Variants in PNISR observed in about 807,000 individuals in gnomAD.
The protein encoded by PNISR is arginine/serine-rich protein PNISR.
PNISR carries 20 observed loss-of-function variants against 93.4 expected under a neutral mutation model. That is an observed-to-expected ratio of 0.21 (90% CI 0.15 to 0.31). The LOEUF (loss-of-function observed/expected upper bound fraction) is 0.31, where lower values mean the gene tolerates loss of function less well. Among genes scored for constraint, PNISR ranks in the 10% least tolerant of loss-of-function variants. PNISR has a pLI of 1.00. For synonymous variants in PNISR, 305 were observed against 306.5 expected (o/e 0.99, Z 0.05); for missense variants, 893 against 985.4 (o/e 0.91, Z 1.25).
At chr6:99,414,134 T>C (rs1777348396) in intron 3 of PNISR, among the ~76,000 whole-genome samples, 1 of 152,148 alleles carries the variant, frequency 6.6e-6, no homozygotes, top group African/African-American at 2.4e-5. Flanking sequence ...TAAAGCTAAA[T>C]AATAAACAAG....
In PNISR at chr6:99,409,299, A is replaced by G. The variant is rs1284218499; in HGVS notation, c.547T>C (p.Tyr183His). ...GGTCCTGGAGGTCCTGGTTGCCAAT[A>G]AGGAGGATGAAATCCACCTTGCGGT... ...GPPQGGFHPP[Y>H]WQPGPPGPPA... The change falls in exon 6 of 12, where the codon TAT (tyrosine) becomes CAT (histidine). Residue 183 changes from tyrosine to histidine, a missense_variant. Around this residue, in one of 3 missense-constraint regions of PNISR, gnomAD observed 866 missense variants for 935.1 expected, o/e 0.93. Transcript: ENST00000369239. The G allele has an allele frequency of 6.2e-7, 1 of 1,613,802 alleles. No individual in the cohort carries two copies. The highest frequency in any genetic ancestry group is 1.3e-5 in the African/African-American group (1 of 74,928).
intron 8 of PNISR, among the ~76,000 whole-genome samples, chr6:99,405,617 C>T (rs572581338): frequency 2.4e-4 from 37 of 152,104 alleles, no homozygotes; most frequent in African/African-American, 7.5e-4. Context: ...CAGGATGGAA[C>T]GCAGTGGCAC....
chr6:99,404,076 A>G lies in PNISR; in HGVS notation c.1103-194T>C, dbSNP rs1430626258. The G allele has an allele frequency of 7.4e-6, 4 of 539,988 alleles. No homozygotes were observed. In the African/African-American group the frequency reaches 7.7e-5, roughly 10 times the overall value. The allele number at this position is 539,988 out of a possible 1,614,324, so 33.4% of individuals were successfully genotyped here. A position where few individuals can be genotyped will look rare whatever the true frequency, so the allele number is the denominator to read the frequency against. Reference sequence around the variant, plus strand: ...AATTATAACTCTGATGTGAGCTGAAATTGGTTTATAATGAGAAAAAATGTT... The same window carrying G: ...AATTATAACTCTGATGTGAGCTGAAGTTGGTTTATAATGAGAAAAAATGTT... On this transcript the variant is annotated intron_variant, in intron 9 of 11. Coordinates refer to ENST00000369239, the MANE Select transcript of PNISR (RefSeq NM_032870.4).
chr6:99,409,953 G>C (rs897361861), intron 5 of PNISR: 1 of 152,400 alleles, frequency 6.6e-6, no homozygotes, highest in Non-Finnish European at 1.5e-5. Context: ...AAAAACTGTT[G>C]TATCTGTATA....
In PNISR at chr6:99,410,846, C is replaced by T. The variant is rs761624181; in HGVS notation, c.396G>A (p.Gly132=). Residue 132 remains glycine (G), a synonymous_variant, in exon 5 of 12, where the codon GGG becomes GGA. Transcript: ENST00000369239. ...TATGCCTGTTGTCAGGGGCAAATTC[C>T]CCACTGTCCTGACTGTTGCTGTCTT... The part of the protein sequence containing the change: ...PSEDSNSQDS[G]EFAPDNRHIF... The T allele has an allele frequency of 6.2e-7, 1 of 1,614,034 alleles. No individual in the cohort carries two copies. The highest frequency in any genetic ancestry group is 2.2e-5 in the East Asian group (1 of 44,884).
intron 1 of PNISR, among the ~76,000 whole-genome samples, chr6:99,419,447 T>C (rs970264568): frequency 2.0e-5 from 3 of 152,290 alleles, no homozygotes; most frequent in South Asian, 2.1e-4. Flanking sequence ...CATACTGGCA[T>C]GTATTACCGT....
At position 99,400,964 on chromosome 6, in the gene PNISR, C is replaced by T. The variant is rs1159613952; in HGVS notation, c.1994G>A (p.Arg665Lys). The T allele has an allele frequency of 6.2e-7, 1 of 1,604,440 alleles. No homozygotes were observed. Among genetic ancestry groups the T allele is most frequent in the Admixed American group, 1.7e-5 (1 of 59,680 alleles). The change falls in exon 12 of 12, where the codon AGG becomes AAG. Residue 665 changes from arginine (R) to lysine (K), a missense_variant. Physicochemically the swap from Arg to Lys is conservative, Grantham distance 26. This residue lies in a region of PNISR where 866 missense variants were observed against 935.1 expected (regional missense o/e 0.93). Transcript: ENST00000369239. ...KHKGEAKEQERKKERSRSIDK... is the reference protein window; with the variant it reads ...KHKGEAKEQEKKKERSRSIDK... Reference sequence around the variant, plus strand: ...TATACTTCGACTCCTCTCCTTTTTCCTCTCTTGTTCTTTAGCCTCACCTTT... The same window carrying T: ...TATACTTCGACTCCTCTCCTTTTTCTTCTCTTGTTCTTTAGCCTCACCTTT...
chr6:99,400,676 C>T lies in PNISR; in HGVS notation c.2282G>A (p.Ser761Asn). ...TTTGCTACTTCCTGGAGACTCAGAA[C>T]TGCTCCTTCCACTAGAATCAGAGCC... The part of the protein sequence containing the change: ...HSGSDSSGRS[S>N]SESPGSSKEK... The change falls in exon 12 of 12, where the codon AGT becomes AAT. Residue 761 changes from serine (S) to asparagine (N), a missense_variant. Physicochemically the swap from Ser to Asn is conservative, Grantham distance 46. Transcript: ENST00000369239. The T allele has an allele frequency of 6.2e-7, 1 of 1,613,952 alleles. No homozygotes were observed. Among genetic ancestry groups the T allele is most frequent in the Non-Finnish European group, 8.5e-7 (1 of 1,179,966 alleles).
chr6:99,405,848 A>G (rs1776096697), intron 8 of PNISR, among the ~76,000 whole-genome samples, 183 bp downstream of exon 8: 1 of 152,156 alleles, frequency 6.6e-6, no homozygotes, highest in Non-Finnish European at 1.5e-5. Flanking sequence ...CCTGAAATCA[A>G]AACATTTAAA....
Position 99,416,429 on chromosome 6 carries a change from C to T in PNISR, c.-111-1G>A, listed in dbSNP as rs1777704119. ...GCATAGCAGCAAGATTATGTATGCC[C>T]TAGGGGGAAAAAAAGTAGATGTCTG... On this transcript the variant is annotated splice_acceptor_variant, in intron 1 of 11. Coordinates refer to ENST00000369239, the MANE Select transcript of PNISR (RefSeq NM_032870.4). LOFTEE classifies it low-confidence loss of function (5UTR_SPLICE). 3 of 1,168,934 alleles carry T rather than the reference C, an allele frequency of 2.6e-6. No individual in the cohort carries two copies. The highest frequency in any genetic ancestry group is 3.2e-5 in the African/African-American group (2 of 63,092). 72.4% of individuals were successfully genotyped at this position (1,168,934 alleles called of 1,614,324 possible). A position where few individuals can be genotyped will look rare whatever the true frequency, so the allele number is the denominator to read the frequency against.
chr6:99,415,458 T>C (rs988171363), intron 2 of PNISR: 1 of 152,196 alleles, frequency 6.6e-6, no homozygotes, highest in Non-Finnish European at 1.5e-5. Context: ...AGGTACTTTA[T>C]GTTAATAACT....
rs1442763043 is a variant in PNISR at position 99,398,112 on chromosome 6, T to A, written c.*2428A>T. On this transcript the variant is annotated 3_prime_UTR_variant, in exon 12 of 12. Transcript: ENST00000369239. ...TGAAACAAATCTTATAATCACCTCT[T>A]TCAAATTACATTTTATTCCCTTAAT... 6.6e-6 allele frequency: 1 copy of A among 152,178 alleles called. No individual in the cohort carries two copies. Among genetic ancestry groups the A allele is most frequent in the Non-Finnish European group, 1.5e-5 (1 of 68,004 alleles). The allele number at this position is 152,178 out of a possible 1,614,324, so 9.4% of individuals were successfully genotyped here. A position where few individuals can be genotyped will look rare whatever the true frequency, so the allele number is the denominator to read the frequency against.
intron 1 of PNISR, among the ~76,000 whole-genome samples, chr6:99,418,811 G>T (rs569007612): frequency 6.6e-6 from 1 of 152,244 alleles, no homozygotes; most frequent in South Asian, 2.1e-4. Flanking sequence ...GATGACTACT[G>T]GATGAGGGCA....
intron 3 of PNISR, among the ~76,000 whole-genome samples, chr6:99,413,096 A>C (rs1257108128): frequency 1.3e-3 from 1 of 794 alleles, no homozygotes; most frequent in Non-Finnish European, 0.025. Context: ...CACCTTTACA[A>C]AAAAAAAATC....
At chr6:99,402,394 A>G in intron 11 of PNISR, 146 bp downstream of exon 11, 2 of 586,826 alleles carry the variant, frequency 3.4e-6, no homozygotes, top group South Asian at 1.1e-4. Flanking sequence ...AAAACAACCA[A>G]ACAAAAATTG....
chr6:99,398,612 C>A lies in PNISR; in HGVS notation c.*1928G>T, dbSNP rs1775123747. ...AAACTGTCAAATACTACTTTTGGCTCTAGTTCATAACTTGCCCAAAAATGT... is the reference window on the plus strand; with the variant it reads ...AAACTGTCAAATACTACTTTTGGCTATAGTTCATAACTTGCCCAAAAATGT... On this transcript the variant is annotated 3_prime_UTR_variant, in exon 12 of 12. Transcript: ENST00000369239. The A allele has an allele frequency of 6.6e-6, 1 of 152,056 alleles. No individual in the cohort carries two copies. Among genetic ancestry groups the A allele is most frequent in the South Asian group, 2.1e-4 (1 of 4,836 alleles). The allele number at this position is 152,056 out of a possible 1,614,324, so 9.4% of individuals were successfully genotyped here.
At chr6:99,417,240 T>C (rs1369879508) in intron 1 of PNISR, among the ~76,000 whole-genome samples, 1 of 152,254 alleles carries the variant, frequency 6.6e-6, no homozygotes, top group Non-Finnish European at 1.5e-5. Flanking sequence ...AAATGATGTA[T>C]AATGACTACC....
At position 99,400,124 on chromosome 6, in the gene PNISR, G is replaced by C. The variant is rs1356569789; in HGVS notation, c.*416C>G. 1.9e-5 allele frequency: 3 copies of C among 157,102 alleles called. No individual in the cohort carries two copies. The highest frequency in any genetic ancestry group is 7.3e-5 in the African/African-American group (3 of 41,204). 9.7% of individuals were successfully genotyped at this position (157,102 alleles called of 1,614,324 possible). On this transcript the variant is annotated 3_prime_UTR_variant, in exon 12 of 12. Transcript: ENST00000369239. ...CAAAGAAATCCTATTAAGTAACTTG[G>C]AGCAGCATTGGAAAAAGTACACCTA... is the stretch of plus-strand genomic sequence containing the variant.
chr6:99,420,828 A>G (rs913126169), intron 1 of PNISR, among the ~76,000 whole-genome samples: 6 of 152,216 alleles, frequency 3.9e-5, no homozygotes, highest in African/African-American at 1.4e-4. Context: ...AATACTTTTT[A>G]TAGAGGGTCT....
Sources: gnomAD v4.1 joint callset for allele counts (sites outside exome capture counted in the v4.1 genomes callset) on GRCh38, gnomAD v4.1.1 for gene constraint, gnomAD v4.1.1 regional missense constraint, MANE v1.5 for transcripts, NCBI Gene and HGNC (gene_info 2026-07-23, HGNC 2026-07-21) for gene names.